Variants in TSPAN11 observed in about 807,000 individuals in gnomAD.
The protein encoded by TSPAN11 is tetraspanin 11, also known as tetraspanin-11.
Under a neutral mutation model 32.9 loss-of-function variants are expected in TSPAN11, and 29 were observed. That is an observed-to-expected ratio of 0.88 (90% CI 0.66 to 1.20). The LOEUF is 1.20. Among genes scored for constraint, TSPAN11 ranks in the 50% most tolerant of loss-of-function variants. The pLI is 0.00. For missense variants in TSPAN11, 283 were observed against 329.1 expected, an observed-to-expected ratio of 0.86 and a Z score of 1.08; for synonymous variants, 140 against 141.3, an observed-to-expected ratio of 0.99 and a Z score of 0.07.
chr12:30,983,336 C>T (rs1939134928), intron 7 of TSPAN11, among the ~76,000 whole-genome samples, 186 bp downstream of exon 7: 1 of 152,182 alleles, frequency 6.6e-6, no homozygotes, highest in Admixed American at 6.5e-5. Context: ...AGTCTCTCCC[C>T]CAGAGAACAT....
chr12:30,971,511 G>T (rs754300850), intron 3 of TSPAN11, among the ~76,000 whole-genome samples: 8 of 152,180 alleles, frequency 5.3e-5, no homozygotes, highest in Non-Finnish European at 1.2e-4. Flanking sequence ...AGGCCAGGCT[G>T]GGAGGATTGC....
chr12:30,944,100 G>A (rs994182582), intron 1 of TSPAN11, among the ~76,000 whole-genome samples: 1 of 151,782 alleles, frequency 6.6e-6, no homozygotes, highest in Non-Finnish European at 1.5e-5. Flanking sequence ...TTTGTGGAGA[G>A]TTTTCTTTTT....
intron 3 of TSPAN11, among the ~76,000 whole-genome samples, chr12:30,971,110 C>T (rs565190900): frequency 8.5e-5 from 13 of 152,116 alleles, no homozygotes; most frequent in Admixed American, 2.6e-4. Context: ...GCTGTTGATG[C>T]CCTGTTCTGA....
chr12:30,931,517 G>A (rs11833710), intron 1 of TSPAN11, among the ~76,000 whole-genome samples: 18,325 of 152,090 alleles, frequency 0.12, 1,111 homozygotes, highest in East Asian at 0.15. Context: ...CTCTCCCAGA[G>A]CTGCCTTTTA....
intron 1 of TSPAN11, among the ~76,000 whole-genome samples, chr12:30,949,972 T>A (rs1938349028): frequency 6.6e-6 from 1 of 152,118 alleles, no homozygotes; most frequent in Non-Finnish European, 1.5e-5. Flanking sequence ...CTTCCTCCAG[T>A]GGCTCTCTTT....
intron 1 of TSPAN11, among the ~76,000 whole-genome samples, chr12:30,928,610 T>A (rs1937851006): frequency 6.6e-6 from 1 of 152,156 alleles, no homozygotes; most frequent in African/African-American, 2.4e-5. Flanking sequence ...AAAGGAAAGA[T>A]CCTTGGATGG....
chr12:30,976,509 A>G (rs35101), intron 3 of TSPAN11, among the ~76,000 whole-genome samples: 146,982 of 152,192 alleles, frequency 0.97, 71,019 homozygotes, highest in African/African-American at 0.98. Flanking sequence ...CTCAAGCAGG[A>G]GGACCATCCA....
chr12:30,985,417 C>T (rs1939181641), intron 7 of TSPAN11, among the ~76,000 whole-genome samples: 1 of 152,152 alleles, frequency 6.6e-6, no homozygotes, highest in Non-Finnish European at 1.5e-5. Context: ...TGTTCCTTGG[C>T]CAGACCAGCC....
At chr12:30,944,070 C>G (rs1211505829) in intron 1 of TSPAN11, among the ~76,000 whole-genome samples, 1 of 152,122 alleles carries the variant, frequency 6.6e-6, no homozygotes, top group African/African-American at 2.4e-5. Context: ...CTAGCTTACC[C>G]CCATAGCAAA....
intron 2 of TSPAN11, among the ~76,000 whole-genome samples, chr12:30,955,481 A>T (rs1469527039): frequency 1.3e-5 from 2 of 152,254 alleles, no homozygotes; most frequent in African/African-American, 4.8e-5. Context: ...TCCACTACAG[A>T]TAACCTCTAA....
intron 2 of TSPAN11, among the ~76,000 whole-genome samples, chr12:30,959,476 G>T (rs1363125754): frequency 6.6e-6 from 1 of 152,156 alleles, no homozygotes; most frequent in African/African-American, 2.4e-5. Context: ...CCAGTAAACA[G>T]AAGGCTTGGA....
At chr12:30,976,352 T>C (rs999659094) in intron 3 of TSPAN11, among the ~76,000 whole-genome samples, 2 of 152,170 alleles carry the variant, frequency 1.3e-5, no homozygotes, top group Admixed American at 6.5e-5. Context: ...CATGCAACTC[T>C]TGCTGAGCCA....
chr12:30,946,804 G>A (rs1332897938), intron 1 of TSPAN11, among the ~76,000 whole-genome samples: 1 of 152,178 alleles, frequency 6.6e-6, no homozygotes, highest in Admixed American at 6.5e-5. Flanking sequence ...CGGAGGTGGG[G>A]GGTCTGGGGG....
intron 5 of TSPAN11, among the ~76,000 whole-genome samples, chr12:30,981,144 A>G (rs2140305421): frequency 6.6e-6 from 1 of 152,326 alleles, no homozygotes; most frequent in East Asian, 1.9e-4. Flanking sequence ...GAAGACCTGC[A>G]GGGTGTCTGT....
At chr12:30,988,101 A>G (rs1939235950) in intron 7 of TSPAN11, among the ~76,000 whole-genome samples, 1 of 152,154 alleles carries the variant, frequency 6.6e-6, no homozygotes, top group African/African-American at 2.4e-5. Context: ...GAGTGCACCT[A>G]TCCCCTCAGC....
the TSPAN11 span, among the ~76,000 whole-genome samples, chr12:31,002,639 T>C: frequency 6.6e-6 from 1 of 152,110 alleles, no homozygotes; most frequent in Non-Finnish European, 1.5e-5. The surrounding 1 kb of genome is among the most constrained non-coding windows in gnomAD (Gnocchi z 4.8). Flanking sequence ...TCTGAGGGTC[T>C]GCGGGACAAA....
intron 3 of TSPAN11, among the ~76,000 whole-genome samples, chr12:30,967,684 ATG>A: frequency 3.8e-5 from 1 of 26,336 alleles, no homozygotes; most frequent in Admixed American, 5.2e-4. Flanking sequence ...GTGCACACAC[ATG>A]CATATGCATG....
intron 3 of TSPAN11, among the ~76,000 whole-genome samples, chr12:30,974,206 C>A (rs1190187341): frequency 6.6e-6 from 1 of 152,324 alleles, no homozygotes; most frequent in East Asian, 1.9e-4. Flanking sequence ...TTTGTGGCTC[C>A]CACAGTGCAT....
rs758698461 is a variant in TSPAN11, at chr12:30,963,873, G to C, written c.132G>C (p.Glu44Asp). ...CTGTGGGCATCTGGACCCTGGTGGA[G>C]AAGAGTGGCTACCTCAGCGTCCTGG... The part of the protein sequence containing the change: ...VLAVGIWTLV[E>D]KSGYLSVLAS... Residue 44 changes from glutamate to aspartate, a missense_variant, in exon 3 of 8, where the codon GAG (glutamate) becomes GAC (aspartate). Transcript: ENST00000546076. The C allele has an allele frequency of 8.7e-6, 14 of 1,612,432 alleles. No homozygotes were observed. The South Asian group carries it at 1.5e-4, about 18-fold the overall frequency.
Sources: gnomAD v4.1 joint callset for allele counts (sites outside exome capture counted in the v4.1 genomes callset) on GRCh38, gnomAD v4.1.1 for gene constraint, Gnocchi (gnomAD v3.1) non-coding constraint, MANE v1.5 for transcripts, NCBI Gene and HGNC (gene_info 2026-07-23, HGNC 2026-07-21) for gene names.